The following ZFPM2 variants were observed in gnomAD, a reference collection of about 807,000 sequenced individuals.
ZFPM2 encodes the protein zinc finger protein, FOG family member 2, also known as zinc finger protein ZFPM2.
ZFPM2 carries 20 observed loss-of-function variants against 98.6 expected under a neutral mutation model. The observed-to-expected ratio is 0.20, with a 90% CI of 0.14 to 0.29. The LOEUF is 0.29. Ranked by LOEUF, ZFPM2 falls within the 10% of genes least tolerant of loss-of-function variation. ZFPM2 has a pLI of 1.00. For synonymous variants in ZFPM2, 518 were observed against 502.7 expected, an observed-to-expected ratio of 1.03 and a Z score of -0.41; for missense variants, 1,310 against 1,388.6, an observed-to-expected ratio of 0.94 and a Z score of 0.90.
chr8:105,394,135 C>T (rs1425565614), intron 1 of ZFPM2, among the ~76,000 whole-genome samples: 5 of 151,996 alleles, frequency 3.3e-5, no homozygotes, highest in African/African-American at 9.7e-5. Flanking sequence ...CCTAGTGATT[C>T]GCCCGCCTCG....
chr8:105,566,402 G>GA (rs1267952583), intron 4 of ZFPM2, among the ~76,000 whole-genome samples: 6 of 151,702 alleles, frequency 4.0e-5, no homozygotes, highest in African/African-American at 9.7e-5. Context: ...TTTATTCACT[G>GA]AAAAAAAATC....
intron 6 of ZFPM2, among the ~76,000 whole-genome samples, chr8:105,793,717 A>G (rs1455274601): frequency 3.3e-5 from 5 of 152,054 alleles, no homozygotes. Flanking sequence ...TCACTTTCAG[A>G]TACACCAATC....
intron 3 of ZFPM2, among the ~76,000 whole-genome samples, chr8:105,493,480 T>C (rs1813396646): frequency 1.3e-5 from 2 of 152,216 alleles, no homozygotes; most frequent in Admixed American, 1.3e-4. Context: ...CCGCATGCTA[T>C]ACAACACACA....
intron 5 of ZFPM2, among the ~76,000 whole-genome samples, chr8:105,731,758 C>T (rs962726656): frequency 5.9e-5 from 9 of 151,610 alleles, no homozygotes; most frequent in African/African-American, 1.9e-4. Flanking sequence ...AATTTAATGT[C>T]CAGATTTTAA....
intron 3 of ZFPM2, among the ~76,000 whole-genome samples, chr8:105,537,144 T>TTGTAATTAGA (rs1814469531): frequency 6.6e-6 from 1 of 152,156 alleles, no homozygotes; most frequent in Non-Finnish European, 1.5e-5. Context: ...CTATAAAGCA[T>TTGTAATTAGA]TGTAATTAGA....
intron 1 of ZFPM2, among the ~76,000 whole-genome samples, chr8:105,405,434 C>CT (rs1811429041): frequency 7.0e-6 from 1 of 143,266 alleles, no homozygotes; most frequent in Admixed American, 7.0e-5. Flanking sequence ...TCCCCCCTCC[C>CT]CCACCCCACA....
intron 4 of ZFPM2, among the ~76,000 whole-genome samples, chr8:105,603,636 A>G (rs1816139080): frequency 1.3e-5 from 2 of 152,090 alleles, no homozygotes; most frequent in South Asian, 4.1e-4. Context: ...GGAAATTATG[A>G]TCTTTTGAAT....
rs1334155052 is a variant in ZFPM2 at position 105,704,200 on chromosome 8, C to T, written c.532+69843C>T. 2.6e-5 allele frequency among the ~76,000 whole-genome samples: 4 copies of T among 152,252 alleles called. No individual in the cohort carries two copies. The South Asian group carries it at 6.2e-4, about 24-fold the overall frequency. On this transcript the variant is annotated intron_variant, in intron 5 of 7. Transcript: ENST00000407775. ...ACCTAACATTGCTAAATTGGTTTTA[C>T]GTGGATTTTGCATTACTGAAAATTT...
chr8:105,777,322 T>C (rs1813125084), intron 5 of ZFPM2, among the ~76,000 whole-genome samples: 1 of 152,254 alleles, frequency 6.6e-6, no homozygotes, highest in Non-Finnish European at 1.5e-5. Context: ...AGTTTGCGTT[T>C]TCATTTTCTA....
intron 3 of ZFPM2, among the ~76,000 whole-genome samples, chr8:105,457,406 T>C (rs1812613338): frequency 6.6e-6 from 1 of 152,220 alleles, no homozygotes; most frequent in South Asian, 2.1e-4. Flanking sequence ...CAAACATTTA[T>C]TGAAGAAGAA....
At chr8:105,535,757 T>C (rs1814437179) in intron 3 of ZFPM2, among the ~76,000 whole-genome samples, 1 of 152,170 alleles carries the variant, frequency 6.6e-6, no homozygotes, top group Admixed American at 6.5e-5. Context: ...CTCTGTCTTC[T>C]TTCTGATTAG....
At chr8:105,656,849 G>T (rs1329864380) in intron 5 of ZFPM2, among the ~76,000 whole-genome samples, 1 of 152,114 alleles carries the variant, frequency 6.6e-6, no homozygotes, top group Non-Finnish European at 1.5e-5. Context: ...TCTGATTCCA[G>T]TATATAGAAT....
intron 3 of ZFPM2, chr8:105,528,805 C>T (rs1814229925): frequency 6.6e-6 from 1 of 152,082 alleles, no homozygotes; most frequent in Admixed American, 6.6e-5. Context: ...CACATGTCAC[C>T]ATGTTTTATG....
intron 2 of ZFPM2, among the ~76,000 whole-genome samples, chr8:105,432,253 G>C (rs1181066528): frequency 6.6e-6 from 1 of 152,064 alleles, no homozygotes; most frequent in Non-Finnish European, 1.5e-5. Flanking sequence ...TAATTCCAGT[G>C]ATCAAGCAGG....
chr8:105,405,789 A>G, intron 1 of ZFPM2, among the ~76,000 whole-genome samples: 1 of 152,152 alleles, frequency 6.6e-6, no homozygotes, highest in Admixed American at 6.6e-5. Flanking sequence ...CTTTGGGTAT[A>G]TACCCAGTAA....
chr8:105,621,298 G>A (rs1816538932), intron 4 of ZFPM2, among the ~76,000 whole-genome samples: 2 of 152,106 alleles, frequency 1.3e-5, no homozygotes, highest in Admixed American at 1.3e-4. Flanking sequence ...AATTGTGAAT[G>A]GGAGTTCACT....
At chr8:105,524,846 T>A (rs1814140544) in intron 3 of ZFPM2, among the ~76,000 whole-genome samples, 1 of 152,094 alleles carries the variant, frequency 6.6e-6, no homozygotes, top group Non-Finnish European at 1.5e-5. Context: ...CTCTAGACTT[T>A]GTAGAGGGAG....
intron 1 of ZFPM2, among the ~76,000 whole-genome samples, chr8:105,377,472 A>C (rs1049891453): frequency 9.9e-5 from 15 of 151,968 alleles, no homozygotes; most frequent in Admixed American, 7.9e-4. Context: ...TAGAAAAATG[A>C]ATGACTGGGC....
At chr8:105,469,399 C>G (rs1362384680) in intron 3 of ZFPM2, among the ~76,000 whole-genome samples, 2 of 152,178 alleles carry the variant, frequency 1.3e-5, no homozygotes, top group Non-Finnish European at 2.9e-5. Flanking sequence ...ATCTCCTACT[C>G]CTTTTTATGA....
Sources: gnomAD v4.1 joint callset for allele counts (sites outside exome capture counted in the v4.1 genomes callset) on GRCh38, gnomAD v4.1.1 for gene constraint, MANE v1.5 for transcripts, NCBI Gene and HGNC (gene_info 2026-07-23, HGNC 2026-07-21) for gene names.